HCN1: variants seen among roughly 807,000 people sequenced by gnomAD.
HCN1 encodes the protein hyperpolarization activated cyclic nucleotide gated potassium channel 1.
A neutral mutation model predicts 78.9 loss-of-function variants in HCN1; 13 were observed. That is an observed-to-expected ratio of 0.16 (90% confidence interval 0.11 to 0.26). The LOEUF (loss-of-function observed/expected upper bound fraction) is 0.26. HCN1 is among the 10% of genes least tolerant of loss of function. The probability of loss-of-function intolerance (pLI) is 1.00; values close to 1 mark genes in which losing one functional copy is unlikely to be tolerated. For synonymous variants in HCN1, 552 were observed against 455.5 expected (o/e 1.21, Z -2.70); for missense variants, 810 against 1,154.3 (o/e 0.70, Z 4.32).
chr5:45,581,984 G>C (rs1014997141), intron 2 of HCN1, among the ~76,000 whole-genome samples: 5 of 152,166 alleles, frequency 3.3e-5, no homozygotes, highest in Admixed American at 6.5e-5. Context: ...ATTTGGCTTA[G>C]GATTGACTTG....
chr5:45,507,470 G>A (rs1406532424), intron 2 of HCN1, among the ~76,000 whole-genome samples: 2 of 152,102 alleles, frequency 1.3e-5, no homozygotes. Flanking sequence ...AAAGAATAAA[G>A]CACACTCCAT....
chr5:45,597,323 G>C (rs1265961190), intron 2 of HCN1, among the ~76,000 whole-genome samples: 3 of 152,104 alleles, frequency 2.0e-5, no homozygotes, highest in Non-Finnish European at 2.9e-5. Flanking sequence ...AAAAACACAT[G>C]ATTATCTCAA....
chr5:45,260,055 AC>A lies in HCN1; in HGVS notation c.*1865del, dbSNP rs1466730562. The A allele has an allele frequency of 6.6e-6, 1 of 152,352 alleles. No homozygotes were observed. The highest frequency in any genetic ancestry group is 2.4e-5 in the African/African-American group (1 of 41,424). The allele number at this position is 152,352 out of a possible 1,614,324, so 9.4% of individuals were successfully genotyped here. On this transcript the variant is annotated 3_prime_UTR_variant, in exon 8 of 8. Coordinates refer to ENST00000303230, the MANE Select transcript of HCN1 (RefSeq NM_021072.4). ...GATTTGTTTGAAATTAAACATAACA[AC>A]TCATTTTGGTATTATAGGTATTATA...
intron 2 of HCN1, among the ~76,000 whole-genome samples, chr5:45,626,952 T>C (rs1361085321): frequency 6.6e-6 from 1 of 151,774 alleles, no homozygotes; most frequent in Non-Finnish European, 1.5e-5. Flanking sequence ...ACGCCATATA[T>C]ATATATACAC....
intron 3 of HCN1, among the ~76,000 whole-genome samples, chr5:45,400,774 T>C (rs1739779943): frequency 6.6e-6 from 1 of 152,140 alleles, no homozygotes; most frequent in African/African-American, 2.4e-5. Flanking sequence ...CATGTTTCCA[T>C]TCCTCTTTCT....
At chr5:45,436,670 A>G (rs1186325030) in intron 3 of HCN1, among the ~76,000 whole-genome samples, 1 of 152,208 alleles carries the variant, frequency 6.6e-6, no homozygotes, top group East Asian at 1.9e-4. Context: ...CAATAGTCAT[A>G]CCATGGTCCC....
chr5:45,299,385 C>G (rs1745561535), intron 6 of HCN1, among the ~76,000 whole-genome samples: 1 of 151,924 alleles, frequency 6.6e-6, no homozygotes, highest in African/African-American at 2.4e-5. Flanking sequence ...AAAAAGGGAA[C>G]CATATATCTA....
intron 2 of HCN1, among the ~76,000 whole-genome samples, chr5:45,506,690 C>T (rs1042983747): frequency 6.6e-6 from 1 of 152,064 alleles, no homozygotes; most frequent in Admixed American, 6.6e-5. Context: ...CTAGGAAAGG[C>T]TTTAAAGCCT....
chr5:45,673,450 T>C (rs1746197644), intron 1 of HCN1, among the ~76,000 whole-genome samples: 2 of 151,558 alleles, frequency 1.3e-5, no homozygotes, highest in South Asian at 4.1e-4. Flanking sequence ...CCCCACACCA[T>C]TTATTTATTG....
chr5:45,486,993 T>C (rs921748805), intron 2 of HCN1, among the ~76,000 whole-genome samples: 39 of 152,106 alleles, frequency 2.6e-4, no homozygotes, highest in African/African-American at 9.4e-4. Flanking sequence ...CAAGTGTCTC[T>C]TCTATGTTTC....
intron 5 of HCN1, among the ~76,000 whole-genome samples, chr5:45,308,442 T>G (rs1004466156): frequency 6.6e-6 from 1 of 152,136 alleles, no homozygotes; most frequent in Non-Finnish European, 1.5e-5. Context: ...TGTCATAGCA[T>G]GTAAAGCATA....
intron 3 of HCN1, among the ~76,000 whole-genome samples, chr5:45,404,259 C>A (rs868625530): frequency 1.3e-5 from 2 of 151,986 alleles, no homozygotes; most frequent in African/African-American, 2.4e-5. Context: ...ATATTATATG[C>A]GAATGGGAGA....
intron 2 of HCN1, among the ~76,000 whole-genome samples, chr5:45,593,706 G>T (rs1464086517): frequency 6.6e-6 from 1 of 151,328 alleles, no homozygotes; most frequent in East Asian, 1.9e-4. Context: ...ACAGAGTCTT[G>T]CTCTTTTGCC....
intron 4 of HCN1, among the ~76,000 whole-genome samples, chr5:45,391,711 C>G (rs766149168): frequency 6.6e-6 from 1 of 152,008 alleles, no homozygotes; most frequent in Non-Finnish European, 1.5e-5. Context: ...GATAATATGC[C>G]TCTTGCTCCC....
chr5:45,348,339 C>T (rs955139258), intron 5 of HCN1, among the ~76,000 whole-genome samples: 1 of 152,106 alleles, frequency 6.6e-6, no homozygotes, highest in Non-Finnish European at 1.5e-5. Context: ...CACCAGCAGG[C>T]CTGCCCTAAA....
At chr5:45,647,024 C>T (rs921792249) in intron 1 of HCN1, among the ~76,000 whole-genome samples, 1 of 152,082 alleles carries the variant, frequency 6.6e-6, no homozygotes, top group Non-Finnish European at 1.5e-5. Context: ...AAGTTACTAT[C>T]ATCTGTAATT....
intron 5 of HCN1, 52 bp downstream of exon 5, chr5:45,353,048 A>G: frequency 6.8e-7 from 1 of 1,463,524 alleles, no homozygotes; most frequent in Middle Eastern, 2.2e-4. Flanking sequence ...CCATGAAGAG[A>G]GAAAATAAAC....
intron 1 of HCN1, among the ~76,000 whole-genome samples, chr5:45,694,447 T>C (rs1313598019): frequency 6.6e-6 from 1 of 152,208 alleles, no homozygotes; most frequent in Non-Finnish European, 1.5e-5. Flanking sequence ...TCACAGCTAA[T>C]GTCATTCAGA....
intron 6 of HCN1, among the ~76,000 whole-genome samples, chr5:45,292,560 T>C (rs908282585): frequency 1.3e-5 from 2 of 152,042 alleles, no homozygotes; most frequent in African/African-American, 4.8e-5. Flanking sequence ...GCATAAACTC[T>C]GAATTTCTCA....
Sources: allele counts gnomAD v4.1 joint callset (sites outside exome capture counted in the v4.1 genomes callset), GRCh38; gene constraint gnomAD v4.1.1; transcripts MANE v1.5; gene names NCBI Gene and HGNC (gene_info 2026-07-23, HGNC 2026-07-21).